Variants in DLGAP2 observed in about 807,000 individuals in gnomAD.
DLGAP2 encodes DLG associated protein 2, also known as disks large-associated protein 2.
Under a neutral mutation model 100.3 loss-of-function variants are expected in DLGAP2, and 26 were observed. That is an observed-to-expected ratio of 0.26 (90% CI 0.19 to 0.36). The LOEUF (loss-of-function observed/expected upper bound fraction) is 0.36, where lower values mean the gene tolerates loss of function less well. Ranked by LOEUF, DLGAP2 falls within the 10% of genes least tolerant of loss-of-function variation. The pLI, the probability that DLGAP2 is intolerant of heterozygous loss-of-function variation, is 1.00. For synonymous variants in DLGAP2, 886 were observed against 630.1 expected, an observed-to-expected ratio of 1.41 and a Z score of -6.08; for missense variants, 1,858 against 1,453.2, an observed-to-expected ratio of 1.28 and a Z score of -4.53.
At chr8:881,891 A>G (rs1051731784) in intron 1 of DLGAP2, among the ~76,000 whole-genome samples, 2 of 152,094 alleles carry the variant, frequency 1.3e-5, no homozygotes, top group South Asian at 4.1e-4. Context: ...TCACAGAGAA[A>G]ATATAAATTC....
At chr8:1,182,758 C>T (rs971704950) in intron 2 of DLGAP2, among the ~76,000 whole-genome samples, 1 of 152,200 alleles carries the variant, frequency 6.6e-6, no homozygotes, top group Non-Finnish European at 1.5e-5. Context: ...AGAGCTCACA[C>T]TATCGAGTCC....
intron 3 of DLGAP2, among the ~76,000 whole-genome samples, chr8:1,298,646 C>T (rs143216195): frequency 1.0e-3 from 158 of 152,232 alleles, no homozygotes; most frequent in South Asian, 9.8e-3. Flanking sequence ...GCGTGTGGGA[C>T]GGCTCAGCAG....
intron 4 of DLGAP2, among the ~76,000 whole-genome samples, chr8:1,531,170 G>A (rs1334312986): frequency 3.3e-5 from 5 of 151,310 alleles, no homozygotes; most frequent in African/African-American, 4.9e-5. Context: ...TCCCCTCCCC[G>A]CTAAAAAAGC....
chr8:1,291,867 C>A (rs752318426), intron 3 of DLGAP2, among the ~76,000 whole-genome samples: 3 of 152,180 alleles, frequency 2.0e-5, no homozygotes, highest in Non-Finnish European at 2.9e-5. Flanking sequence ...GTCTAATCAC[C>A]CAGCCTTCTC....
rs1028979192 is a variant in DLGAP2 at position 1,470,751 on chromosome 8, C to T, written c.107-30615C>T. ...ACGGCCTCCCCTTCCCCGACTCCTT[C>T]CCCGACTCCTCCAGCCTTTCCCGAC... is the stretch of plus-strand genomic sequence containing the variant. On this transcript the variant is annotated intron_variant, in intron 3 of 14. Coordinates refer to ENST00000637795, the MANE Select transcript of DLGAP2 (RefSeq NM_001346810.2). 2.0e-4 allele frequency among the ~76,000 whole-genome samples: 19 copies of T among 93,004 alleles called. 3 individuals are homozygous for T. Among genetic ancestry groups the T allele is most frequent in the South Asian group, 3.6e-4 (1 of 2,784 alleles). 61.0% of individuals were successfully genotyped at this position (93,004 alleles called of 152,430 possible). A position where few individuals can be genotyped will look rare whatever the true frequency, so the allele number is the denominator to read the frequency against.
chr8:1,159,695 G>A (rs1030932839), intron 2 of DLGAP2, among the ~76,000 whole-genome samples: 8 of 152,136 alleles, frequency 5.3e-5, no homozygotes, highest in South Asian at 2.1e-4. Context: ...TTTTCATTCC[G>A]CAGATGGCTG....
At chr8:1,588,846 C>T (rs950785125) in intron 6 of DLGAP2, among the ~76,000 whole-genome samples, 7 of 152,008 alleles carry the variant, frequency 4.6e-5, no homozygotes, top group African/African-American at 1.2e-4. Flanking sequence ...CCCTTGACCC[C>T]GGGAGGTGGA....
At chr8:1,130,467 G>A (rs958140833) in intron 2 of DLGAP2, among the ~76,000 whole-genome samples, 1 of 152,188 alleles carries the variant, frequency 6.6e-6, no homozygotes, top group African/African-American at 2.4e-5. Flanking sequence ...ACCGCCGTAC[G>A]CTTGAGATAA....
chr8:1,635,631 G>A (rs908963129), intron 8 of DLGAP2, among the ~76,000 whole-genome samples: 6 of 152,146 alleles, frequency 3.9e-5, no homozygotes, highest in Admixed American at 3.9e-4. Flanking sequence ...TCCAAAGTGA[G>A]TACCTTGAAG....
intron 2 of DLGAP2, among the ~76,000 whole-genome samples, chr8:1,010,183 AC>A (rs1373529776): frequency 1.3e-5 from 2 of 150,420 alleles, no homozygotes; most frequent in Non-Finnish European, 2.9e-5. Context: ...AGACACATGC[AC>A]ACACATGCAT....
chr8:1,091,716 T>G (rs1259606675), intron 2 of DLGAP2, among the ~76,000 whole-genome samples: 1 of 152,160 alleles, frequency 6.6e-6, no homozygotes, highest in African/African-American at 2.4e-5. Context: ...ACGTCTGGGT[T>G]GTTGACGTTG....
chr8:1,435,775 G>A (rs181558424), intron 3 of DLGAP2, among the ~76,000 whole-genome samples: 136 of 152,054 alleles, frequency 8.9e-4, no homozygotes, highest in African/African-American at 3.0e-3. Flanking sequence ...CTAACAGTGG[G>A]ACAGGAAGTG....
chr8:1,034,524 C>G (rs867288744), intron 2 of DLGAP2, among the ~76,000 whole-genome samples: 29 of 80,608 alleles, frequency 3.6e-4, no homozygotes, highest in African/African-American at 7.3e-4. Flanking sequence ...TGGATTCACA[C>G]CCTCATCCCG....
intron 3 of DLGAP2, among the ~76,000 whole-genome samples, chr8:1,374,106 A>AGGTTAGGTTAGGTTTGCAGAAGG (rs1335781856): frequency 2.7e-4 from 37 of 136,400 alleles, no homozygotes; most frequent in African/African-American, 9.2e-4. Context: ...TTTGCAGAGG[A>AGGTTAGGTTAGGTTTGCAGAAGG]CTGTGTGGTG....
intron 1 of DLGAP2, among the ~76,000 whole-genome samples, chr8:898,297 C>G (rs1798185971): frequency 6.6e-6 from 1 of 152,146 alleles, no homozygotes; most frequent in South Asian, 2.1e-4. Flanking sequence ...GGTCTGGCGA[C>G]TTCACCCAAG....
At chr8:1,353,137 C>A (rs1801773840) in intron 3 of DLGAP2, among the ~76,000 whole-genome samples, 1 of 152,162 alleles carries the variant, frequency 6.6e-6, no homozygotes. Context: ...CTAAGGGTGT[C>A]CATTTGCTTC....
At chr8:1,366,404 A>C (rs116326609) in intron 3 of DLGAP2, among the ~76,000 whole-genome samples, 1 of 152,184 alleles carries the variant, frequency 6.6e-6, no homozygotes, top group African/African-American at 2.4e-5. Flanking sequence ...GCATGTTGTG[A>C]GAGAACCAAG....
chr8:906,506 C>T (rs1254663900), intron 1 of DLGAP2, among the ~76,000 whole-genome samples: 3 of 152,160 alleles, frequency 2.0e-5, no homozygotes, highest in Admixed American at 6.5e-5. Context: ...TGCGAGGAGC[C>T]CTCGAAGGCG....
chr8:1,550,462 C>T (rs1346922115), intron 5 of DLGAP2, among the ~76,000 whole-genome samples: 3 of 152,086 alleles, frequency 2.0e-5, no homozygotes, highest in Admixed American at 2.0e-4. Context: ...GAGGGTTTAA[C>T]AACCACAGCA....
Sources: gnomAD v4.1 joint callset for allele counts (sites outside exome capture counted in the v4.1 genomes callset) on GRCh38, gnomAD v4.1.1 for gene constraint, MANE v1.5 for transcripts, NCBI Gene and HGNC (gene_info 2026-07-23, HGNC 2026-07-21) for gene names.